Variants in TNPO1 observed in about 807,000 individuals in gnomAD.
TNPO1 encodes the protein transportin 1, also known as transportin-1.
TNPO1 carries 8 observed loss-of-function variants against 119.5 expected under a neutral mutation model. That is an observed-to-expected ratio of 0.07 (90% confidence interval 0.04 to 0.12). The LOEUF is 0.12. TNPO1 is among the 10% of genes least tolerant of loss of function. The probability of loss-of-function intolerance (pLI) is 1.00; values close to 1 mark genes in which losing one functional copy is unlikely to be tolerated. For synonymous variants in TNPO1, 362 were observed against 363.0 expected (o/e 1.00, Z 0.03); for missense variants, 576 against 1,089.8 (o/e 0.53, Z 6.64).
intron 8 of TNPO1, among the ~76,000 whole-genome samples, chr5:72,876,399 G>A (rs1312261533): frequency 6.6e-6 from 1 of 152,160 alleles, no homozygotes; most frequent in African/African-American, 2.4e-5. Flanking sequence ...TCACGTGAGT[G>A]AATTTGGCTT....
chr5:72,851,156 C>G (rs1745518310), intron 2 of TNPO1, 88 bp from the exon 3 acceptor site: 2 of 810,626 alleles, frequency 2.5e-6, no homozygotes, highest in Admixed American at 5.2e-5. Context: ...AAAATACCAC[C>G]AAAGAGATCC....
At chr5:72,851,635 G>C (rs1745573366) in intron 3 of TNPO1, among the ~76,000 whole-genome samples, 1 of 152,104 alleles carries the variant, frequency 6.6e-6, no homozygotes, top group South Asian at 2.1e-4. Context: ...GGGATTACAG[G>C]CATGCGCCAT....
chr5:72,848,970 GGCC>G (rs1025171575), intron 2 of TNPO1, among the ~76,000 whole-genome samples: 6 of 151,972 alleles, frequency 3.9e-5, no homozygotes, highest in African/African-American at 9.7e-5. Context: ...CCGCCTGACT[GGCC>G]AGAAATGGGT....
chr5:72,899,108 T>G (rs757675665), intron 20 of TNPO1, among the ~76,000 whole-genome samples: 5 of 152,152 alleles, frequency 3.3e-5, no homozygotes, highest in Non-Finnish European at 7.4e-5. Context: ...TTTGCCCACT[T>G]CAAAATTGTA....
At chr5:72,853,438 TA>T (rs890125306) in intron 3 of TNPO1, among the ~76,000 whole-genome samples, 3 of 152,120 alleles carry the variant, frequency 2.0e-5, no homozygotes, top group Non-Finnish European at 4.4e-5. Context: ...CAGAAGTACT[TA>T]AAAAAACACA....
chr5:72,848,950 G>A (rs1745333653), intron 2 of TNPO1, among the ~76,000 whole-genome samples: 3 of 151,950 alleles, frequency 2.0e-5, no homozygotes, highest in Non-Finnish European at 4.4e-5. Context: ...TCTGTGCGCG[G>A]CGGAGCTCGC....
Position 72,854,899 on chromosome 5 carries a change from A to G in TNPO1, c.206-875A>G, listed in dbSNP as rs908949642. ...AAAAACATGATATAAATTAACAGCA[A>G]TTATATTTGTTACATGAAGGTCTTA... On this transcript the variant is annotated intron_variant, in intron 3 of 24. Coordinates refer to ENST00000337273, the MANE Select transcript of TNPO1 (RefSeq NM_002270.4). 4.6e-5 allele frequency among the ~76,000 whole-genome samples: 7 copies of G among 152,256 alleles called. No individual in the cohort carries two copies. The East Asian group carries it at 1.3e-3, about 29-fold the overall frequency.
At chr5:72,887,277 A>AC in intron 12 of TNPO1, 55 bp downstream of exon 12, 1 of 1,122,456 alleles carries the variant, frequency 8.9e-7, no homozygotes, top group Non-Finnish European at 1.2e-6. Flanking sequence ...ACTATTAGGT[A>AC]CTAATAAGGC....
chr5:72,887,975 G>C, intron 12 of TNPO1, 103 bp from the exon 13 acceptor site: 2 of 1,122,846 alleles, frequency 1.8e-6, no homozygotes, highest in Non-Finnish European at 2.6e-6. Context: ...TATAGCAGTA[G>C]AAATATTCTG....
intron 24 of TNPO1, among the ~76,000 whole-genome samples, chr5:72,907,349 GT>G (rs1420175067): frequency 6.6e-6 from 1 of 152,118 alleles, no homozygotes; most frequent in Non-Finnish European, 1.5e-5. Flanking sequence ...CTAAGACAAG[GT>G]ATGAAATAGT....
At chr5:72,846,395 C>T (rs1365262739) in intron 1 of TNPO1, among the ~76,000 whole-genome samples, 1 of 151,424 alleles carries the variant, frequency 6.6e-6, no homozygotes, top group Non-Finnish European at 1.5e-5. Context: ...GTGTAAAAAA[C>T]GTTGTAGAGT....
chr5:72,835,601 G>A (rs541395664), intron 1 of TNPO1, among the ~76,000 whole-genome samples: 16 of 152,112 alleles, frequency 1.1e-4, no homozygotes, highest in Non-Finnish European at 1.6e-4. Context: ...CTCTCATGAC[G>A]TAATCACTTC....
intron 8 of TNPO1, 131 bp from the exon 9 acceptor site, chr5:72,877,094 CAAA>C (rs35883847): frequency 0.056 from 12,977 of 231,318 alleles, 1 homozygote; most frequent in South Asian, 0.072. Flanking sequence ...GACTGCATCT[CAAA>C]AAAAAAAAAA....
At chr5:72,885,417 T>TG in intron 11 of TNPO1, among the ~76,000 whole-genome samples, 1 of 152,314 alleles carries the variant, frequency 6.6e-6, no homozygotes, top group South Asian at 2.1e-4. Flanking sequence ...CATACATGGA[T>TG]GGGGGAACAC....
At position 72,872,675 on chromosome 5, in the gene TNPO1, C is replaced by G. The variant is rs929410908; in HGVS notation, c.633C>G (p.Ile211Met). 1.2e-6 allele frequency: 2 copies of G among 1,611,004 alleles called. No individual in the cohort carries two copies. The highest frequency in any genetic ancestry group is 2.2e-5 in the South Asian group (2 of 90,286). The change falls in exon 7 of 25, where the codon ATC (isoleucine) becomes ATG (methionine). Residue 211 changes from isoleucine to methionine, a missense_variant. Coordinates refer to ENST00000337273, the MANE Select transcript of TNPO1 (RefSeq NM_002270.4). Reference sequence around the variant, plus strand: ...TTGCATGTGTCAATCAGTTTATCATCAGTAGGACTCAAGCTCTAATGTTGC... The same window carrying G: ...TTGCATGTGTCAATCAGTTTATCATGAGTAGGACTCAAGCTCTAATGTTGC... ...HAVACVNQFI[I>M]SRTQALMLHI...
At chr5:72,840,168 T>C (rs1431031613) in intron 1 of TNPO1, among the ~76,000 whole-genome samples, 1 of 152,162 alleles carries the variant, frequency 6.6e-6, no homozygotes, top group Non-Finnish European at 1.5e-5. Context: ...TAAGGGTTAG[T>C]CACATGTTCG....
At chr5:72,826,993 A>C (rs896430438) in intron 1 of TNPO1, among the ~76,000 whole-genome samples, 4 of 152,196 alleles carry the variant, frequency 2.6e-5, no homozygotes. Context: ...ATATTAAGAA[A>C]ATAAAGCAGT....
At position 72,893,122 on chromosome 5, in the gene TNPO1, T is replaced by G. The variant is rs763438031; in HGVS notation, c.1789-17T>G. The G allele has an allele frequency of 1.9e-6, 3 of 1,593,602 alleles. No individual in the cohort carries two copies. The East Asian group carries it at 6.7e-5, about 36-fold the overall frequency. Reference sequence around the variant, plus strand: ...GTATACCCAGAAAGTTTAGCATGTGTACTTTATTCTTCCTAGTGCCTATCT... The same window carrying G: ...GTATACCCAGAAAGTTTAGCATGTGGACTTTATTCTTCCTAGTGCCTATCT... On this transcript the variant is annotated splice_polypyrimidine_tract_variant and intron_variant, in intron 15 of 24. Coordinates refer to ENST00000337273, the MANE Select transcript of TNPO1 (RefSeq NM_002270.4).
intron 1 of TNPO1, among the ~76,000 whole-genome samples, chr5:72,841,783 T>C (rs763666292): frequency 6.6e-6 from 1 of 152,200 alleles, no homozygotes; most frequent in Non-Finnish European, 1.5e-5. Flanking sequence ...CTCATGAAAG[T>C]TTTATTAAAT....
Sources: gnomAD v4.1 joint callset for allele counts (sites outside exome capture counted in the v4.1 genomes callset) on GRCh38, gnomAD v4.1.1 for gene constraint, MANE v1.5 for transcripts, NCBI Gene and HGNC (gene_info 2026-07-23, HGNC 2026-07-21) for gene names.